MSX2: variants seen among roughly 807,000 people sequenced by gnomAD.
MSX2 encodes the protein homeobox protein MSX-2.
MSX2 carries 10 observed loss-of-function variants against 18.4 expected under a neutral mutation model. The observed-to-expected ratio is 0.54, with a 90% CI of 0.34 to 0.92. The LOEUF (loss-of-function observed/expected upper bound fraction) is 0.92, where lower values mean the gene tolerates loss of function less well. Among genes scored for constraint, MSX2 ranks in the 40% least tolerant of loss-of-function variants. The probability of loss-of-function intolerance (pLI) is 0.02; values close to 1 mark genes in which losing one functional copy is unlikely to be tolerated. For synonymous variants in MSX2, 170 were observed against 165.6 expected, an observed-to-expected ratio of 1.03 and a Z score of -0.20; for missense variants, 339 against 364.0, an observed-to-expected ratio of 0.93 and a Z score of 0.56.
intron 1 of MSX2, 79 bp downstream of exon 1, chr5:174,725,117 G>C: frequency 6.4e-7 from 1 of 1,560,620 alleles, no homozygotes; most frequent in East Asian, 2.3e-5. Context: ...CAGGGCTGAG[G>C]GTACCGAGAC....
At chr5:174,729,038 C>T (rs904052745) in intron 1 of MSX2, 121 bp from the exon 2 acceptor site, 18 of 852,300 alleles carry the variant, frequency 2.1e-5, no homozygotes, top group Non-Finnish European at 3.0e-5. Flanking sequence ...TAAGTGCTTT[C>T]AGTTGAGAGG....
At chr5:174,725,186 G>T (rs544245003) in intron 1 of MSX2, 148 bp downstream of exon 1, 14 of 1,305,632 alleles carry the variant, frequency 1.1e-5, no homozygotes, top group East Asian at 7.8e-5. Context: ...ACTCCTGGGT[G>T]CCCGGGGCGT....
At chr5:174,728,243 C>T (rs113294185) in intron 1 of MSX2, among the ~76,000 whole-genome samples, 16 of 152,284 alleles carry the variant, frequency 1.1e-4, no homozygotes, top group African/African-American at 3.6e-4. Context: ...GATGTCATCA[C>T]GTGCTCTCAA....
intron 1 of MSX2, among the ~76,000 whole-genome samples, chr5:174,727,366 C>T (rs958115158): frequency 6.6e-6 from 1 of 152,088 alleles, no homozygotes; most frequent in Admixed American, 6.5e-5. Context: ...ATGTGCGATC[C>T]CGGTCACCTG....
chr5:174,724,604 C>G lies in MSX2; in HGVS notation c.-56C>G, dbSNP rs113874536. The G allele has an allele frequency of 9.0e-6, 14 of 1,549,252 alleles. No individual in the cohort carries two copies. Among genetic ancestry groups the G allele is most frequent in the Non-Finnish European group, 1.2e-5 (14 of 1,146,544 alleles). ...TCCGCAGCAAAAAAGTTTGAGTCGC[C>G]GCTGCCGGGTTGCCAGCGGAGTCGC... On this transcript the variant is annotated 5_prime_UTR_variant, in exon 1 of 2. Coordinates refer to ENST00000239243, the MANE Select transcript of MSX2 (RefSeq NM_002449.5).
chr5:174,729,220 G>A lies in MSX2; in HGVS notation c.441G>A (p.Thr147=), dbSNP rs780693712. The A allele has an allele frequency of 3.7e-6, 6 of 1,613,968 alleles. No individual in the cohort carries two copies. The South Asian group carries it at 6.6e-5, about 18-fold the overall frequency. Residue 147 remains threonine (T), a synonymous_variant, in exon 2 of 2, where the codon ACG becomes ACA. Coordinates refer to ENST00000239243, the MANE Select transcript of MSX2 (RefSeq NM_002449.5). ...RKHKTNRKPR[T]PFTTSQLLAL... is the part of the protein sequence containing the mutation. ...ACAAGACCAATCGGAAGCCGCGCAC[G>A]CCCTTTACCACATCCCAGCTCCTCG...
At chr5:174,727,690 C>G (rs1258089754) in intron 1 of MSX2, among the ~76,000 whole-genome samples, 2 of 152,204 alleles carry the variant, frequency 1.3e-5, no homozygotes. Context: ...TTATCCTTCC[C>G]TTTCCCAGAT....
intron 1 of MSX2, among the ~76,000 whole-genome samples, chr5:174,726,066 G>C (rs1446821595): frequency 1.3e-5 from 2 of 152,166 alleles, no homozygotes; most frequent in East Asian, 1.9e-4. Context: ...CTTGAGAATT[G>C]AGGCTGCAGA....
intron 1 of MSX2, among the ~76,000 whole-genome samples, chr5:174,727,701 T>G (rs1185460788): frequency 2.0e-5 from 3 of 152,218 alleles, no homozygotes; most frequent in African/African-American, 4.8e-5. Context: ...TTTCCCAGAT[T>G]TCTGTTCTTT....
In MSX2 at chr5:174,724,748, G is replaced by A; in HGVS notation, c.89G>A (p.Gly30Asp). The A allele has an allele frequency of 6.4e-7, 1 of 1,573,728 alleles. No homozygotes were observed. Among genetic ancestry groups the A allele is most frequent in the Non-Finnish European group, 8.6e-7 (1 of 1,160,316 alleles). The change falls in exon 1 of 2, where the codon GGC (glycine) becomes GAC (aspartate). Residue 30 changes from glycine (G) to aspartate (D), a missense_variant. Around this residue, in one of 2 missense-constraint regions of MSX2, gnomAD observed 211 missense variants for 185.4 expected, o/e 1.14. Transcript: ENST00000239243. ...GCCGGACCAGGCCCGGGGCCTGGGG[G>A]CGCCGAGGGGGCCGCGGAGGAGCGC... ...VVAGPGPGPG[G>D]AEGAAEERRV...
In MSX2 at chr5:174,729,420, C is replaced by T. The variant is rs1234326556; in HGVS notation, c.641C>T (p.Pro214Leu). The T allele has an allele frequency of 1.9e-6, 3 of 1,613,998 alleles. No individual in the cohort carries two copies. The highest frequency in any genetic ancestry group is 2.5e-6 in the Non-Finnish European group (3 of 1,179,978). ...ELEKLKMAAK[P>L]MLPSSFSLPF... ...GAAAAGCTGAAAATGGCTGCAAAAC[C>T]TATGCTGCCCTCCAGCTTCAGTCTC... The change falls in exon 2 of 2, where the codon CCT (proline) becomes CTT (leucine). Residue 214 changes from proline (P) to leucine (L), a missense_variant. Coordinates refer to ENST00000239243, the MANE Select transcript of MSX2 (RefSeq NM_002449.5).
In MSX2 at chr5:174,729,258, A is replaced by C. The variant is rs770204721; in HGVS notation, c.479A>C (p.Lys160Thr). 1 of 1,613,998 alleles carries C rather than the reference A, an allele frequency of 6.2e-7. No individual in the cohort carries two copies. Among genetic ancestry groups the C allele is most frequent in the African/African-American group, 1.3e-5 (1 of 74,900 alleles). The change falls in exon 2 of 2, where the codon AAG becomes ACG. Residue 160 changes from lysine to threonine, a missense_variant. Physicochemically the swap from Lys to Thr is moderately conservative, Grantham distance 78. Transcript: ENST00000239243. ...TTSQLLALER[K>T]FRQKQYLSIA... ...TCCCAGCTCCTCGCCCTGGAGCGCA[A>C]GTTCCGTCAGAAACAGTACCTCTCC...
In MSX2 at chr5:174,725,147, T is replaced by TC. The variant is rs1012037705; in HGVS notation, c.379+112dup. ...CGAGACCCTTCTGCGTGCGCTACACTCCCGGGAAAGCAAGCCCAGGGCCTC... is the reference window on the plus strand; with the variant it reads ...CGAGACCCTTCTGCGTGCGCTACACTCCCCGGGAAAGCAAGCCCAGGGCCTC... On this transcript the variant is annotated intron_variant, in intron 1 of 1. Coordinates refer to ENST00000239243, the MANE Select transcript of MSX2 (RefSeq NM_002449.5). The TC allele has an allele frequency of 4.7e-6, 7 of 1,478,692 alleles. No homozygotes were observed. In the Admixed American group the frequency reaches 1.6e-4, roughly 34 times the overall value. 91.6% of individuals were successfully genotyped at this position (1,478,692 alleles called of 1,614,324 possible).
At chr5:174,725,125 G>C (rs1467142395) in intron 1 of MSX2, 87 bp downstream of exon 1, 5 of 1,537,372 alleles carry the variant, frequency 3.3e-6, no homozygotes, top group African/African-American at 1.4e-5. Context: ...AGGGTACCGA[G>C]ACCCTTCTGC....
intron 1 of MSX2, among the ~76,000 whole-genome samples, chr5:174,725,982 CTGTT>C (rs1236388815): frequency 6.6e-6 from 1 of 152,174 alleles, no homozygotes; most frequent in African/African-American, 2.4e-5. Context: ...CCCTGCTCCT[CTGTT>C]TGATATGCCC....
In MSX2 at chr5:174,724,832, C is replaced by T; in HGVS notation, c.173C>T (p.Pro58Leu). Reference sequence around the variant, plus strand: ...GAGGCGCTCATGTCCGACAAGAAGCCGCCCAAGGAGGCGTCCCCGCTGCCG... The same window carrying T: ...GAGGCGCTCATGTCCGACAAGAAGCTGCCCAAGGAGGCGTCCCCGCTGCCG... ...SVEALMSDKK[P>L]PKEASPLPAE... Residue 58 changes from proline (P) to leucine (L), a missense_variant, in exon 1 of 2, where the codon CCG becomes CTG. By Grantham distance (98) the Pro-to-Leu change is moderately conservative (BLOSUM62 -3). Coordinates refer to ENST00000239243, the MANE Select transcript of MSX2 (RefSeq NM_002449.5). The T allele has an allele frequency of 1.9e-6, 3 of 1,551,210 alleles. No individual in the cohort carries two copies. The highest frequency in any genetic ancestry group is 2.6e-6 in the Non-Finnish European group (3 of 1,147,784).
intron 1 of MSX2, among the ~76,000 whole-genome samples, 174 bp from the exon 2 acceptor site, chr5:174,728,985 G>A (rs1760862949): frequency 6.8e-6 from 1 of 147,158 alleles, no homozygotes; most frequent in African/African-American, 2.5e-5. Context: ...GTGTGTGTGT[G>A]TGTGTGTGTG....
chr5:174,730,521 G>T lies in MSX2; in HGVS notation c.*938G>T, dbSNP rs1027859233. On this transcript the variant is annotated 3_prime_UTR_variant, in exon 2 of 2. Coordinates refer to ENST00000239243, the MANE Select transcript of MSX2 (RefSeq NM_002449.5). ...TAGTAATTTTCTGCTTAAAAAATGA[G>T]TATCTTGTAACCATTACCTATATGC... The T allele has an allele frequency of 6.6e-5, 10 of 152,514 alleles. No individual in the cohort carries two copies. Among genetic ancestry groups the T allele is most frequent in the African/African-American group, 2.4e-4 (10 of 41,470 alleles). The allele number at this position is 152,514 out of a possible 1,614,324, so 9.4% of individuals were successfully genotyped here.
intron 1 of MSX2, among the ~76,000 whole-genome samples, chr5:174,727,532 G>C (rs984164028): frequency 6.6e-6 from 1 of 152,110 alleles, no homozygotes; most frequent in African/African-American, 2.4e-5. Flanking sequence ...CTGAGGGCCC[G>C]GCCTAGTTTA....
Sources: allele counts gnomAD v4.1 joint callset (sites outside exome capture counted in the v4.1 genomes callset), GRCh38; gene constraint gnomAD v4.1.1; regional missense constraint gnomAD v4.1.1; transcripts MANE v1.5; gene names NCBI Gene and HGNC (gene_info 2026-07-23, HGNC 2026-07-21).